The following ICA1 variants were observed in gnomAD, a reference collection of about 807,000 sequenced individuals.
ICA1 encodes 69 kDa islet cell autoantigen.
In ICA1, 40 loss-of-function variants were observed where a neutral mutation model predicts 71.0. That is an observed-to-expected ratio of 0.56 (90% CI 0.44 to 0.73). The LOEUF (loss-of-function observed/expected upper bound fraction) is 0.73, where lower values mean the gene tolerates loss of function less well. ICA1 is among the 30% of genes least tolerant of loss of function. ICA1 has a pLI of 0.00. For synonymous variants in ICA1, 207 were observed against 209.5 expected (o/e 0.99, Z 0.10); for missense variants, 578 against 576.5 (o/e 1.00, Z -0.03).
At chr7:8,203,948 G>A (rs978988612) in intron 6 of ICA1, among the ~76,000 whole-genome samples, 4 of 151,956 alleles carry the variant, frequency 2.6e-5, no homozygotes, top group Non-Finnish European at 4.4e-5. Context: ...AGGAATTCAG[G>A]CTCTAGACCT....
intron 6 of ICA1, among the ~76,000 whole-genome samples, chr7:8,163,494 A>G (rs1457702954): frequency 6.6e-6 from 1 of 152,198 alleles, no homozygotes; most frequent in Non-Finnish European, 1.5e-5. Context: ...AGTCGGCACA[A>G]ATGGAATCGA....
chr7:8,167,568 A>AC (rs1806520229), intron 6 of ICA1, among the ~76,000 whole-genome samples: 1 of 151,584 alleles, frequency 6.6e-6, no homozygotes. Flanking sequence ...TGTACACCAA[A>AC]CCCCCCGGCA....
intron 4 of ICA1, among the ~76,000 whole-genome samples, chr7:8,224,437 G>A (rs1798017444): frequency 6.6e-6 from 1 of 151,944 alleles, no homozygotes; most frequent in Middle Eastern, 3.4e-3. Flanking sequence ...AAGTAGGGGA[G>A]CAATGTGATC....
At chr7:8,220,734 T>C (rs570316699) in intron 5 of ICA1, among the ~76,000 whole-genome samples, 1 of 152,098 alleles carries the variant, frequency 6.6e-6, no homozygotes, top group South Asian at 2.1e-4. Flanking sequence ...ACAACAGCGG[T>C]CTAGTTAAAA....
At chr7:8,261,823 C>T (rs1316575685) in intron 1 of ICA1, among the ~76,000 whole-genome samples, 3 of 152,170 alleles carry the variant, frequency 2.0e-5, no homozygotes, top group South Asian at 2.1e-4. Context: ...GCTTCCCTAC[C>T]GCTCCCCCGG....
At chr7:8,114,782 A>G (rs753146675) in intron 13 of ICA1, 16 of 152,278 alleles carry the variant, frequency 1.1e-4, no homozygotes, top group Non-Finnish European at 2.4e-4. Context: ...TGATTTCTAA[A>G]TAAGATGAAG....
chr7:8,141,877 C>G, intron 9 of ICA1, 60 bp from the exon 10 acceptor site: 1 of 1,374,758 alleles, frequency 7.3e-7, no homozygotes, highest in Admixed American at 1.9e-5. Flanking sequence ...TATGATACAG[C>G]CAGACTTTCA....
chr7:8,201,006 T>A (rs1380714242), intron 6 of ICA1, among the ~76,000 whole-genome samples: 1 of 152,224 alleles, frequency 6.6e-6, no homozygotes, highest in Non-Finnish European at 1.5e-5. Flanking sequence ...ACTTTAGTGG[T>A]CAATGAGTAT....
intron 6 of ICA1, among the ~76,000 whole-genome samples, chr7:8,208,186 C>T (rs974267235): frequency 3.9e-5 from 6 of 152,080 alleles, no homozygotes; most frequent in Admixed American, 1.3e-4. Context: ...TCTAGTTTTA[C>T]GTAAAAGTGG....
intron 6 of ICA1, among the ~76,000 whole-genome samples, chr7:8,190,999 A>C (rs893110839): frequency 6.6e-6 from 1 of 152,250 alleles, no homozygotes; most frequent in Non-Finnish European, 1.5e-5. Flanking sequence ...GATAATGAAC[A>C]AATGGTCATC....
rs964719579 is a variant in ICA1 at position 8,119,991 on chromosome 7, T to G, written c.1331-5947A>C. Among the ~76,000 whole-genome samples, 9 of 152,378 alleles carry G rather than the reference T, an allele frequency of 5.9e-5. No homozygotes were observed. The South Asian group carries it at 1.9e-3, about 32-fold the overall frequency. ...TTTGTAAGTATGGATTTTTAAATAT[T>G]GTTCACCTAAAACACTCATGAACCA... is the stretch of plus-strand genomic sequence containing the variant. On this transcript the variant is annotated intron_variant, in intron 13 of 13. Coordinates refer to ENST00000402384, the MANE Select transcript of ICA1 (RefSeq NM_001136020.3).
rs574765062 is a variant in ICA1 at position 8,207,005 on chromosome 7, G to T, written c.579+11300C>A. ...GTCCCACTTCTAGTGGTCCAGGACA[G>T]AAATTTATTCAAAAGAACAAAGCAG... On this transcript the variant is annotated intron_variant, in intron 6 of 13. Transcript: ENST00000402384. 1.6e-4 allele frequency among the ~76,000 whole-genome samples: 24 copies of T among 152,268 alleles called. No homozygotes were observed. The East Asian group carries it at 2.9e-3, about 18-fold the overall frequency.
Position 8,231,780 on chromosome 7 carries a change from T to C in ICA1, c.183+810A>G, listed in dbSNP as rs746723699. Among the ~76,000 whole-genome samples, 4 of 152,334 alleles carry C rather than the reference T, an allele frequency of 2.6e-5. No individual in the cohort carries two copies. In the South Asian group the frequency reaches 8.3e-4, roughly 32 times the overall value. On this transcript the variant is annotated intron_variant, in intron 3 of 13. Transcript: ENST00000402384. ...CTCATCCCTTTTCACATGACAGTAA[T>C]TGACAACTAACATTTCCCCTTAACC...
chr7:8,236,480 G>C (rs1218699279), intron 1 of ICA1, among the ~76,000 whole-genome samples: 1 of 152,108 alleles, frequency 6.6e-6, no homozygotes, highest in Non-Finnish European at 1.5e-5. Context: ...GCTAGGTGGT[G>C]AATATATTGC....
chr7:8,188,577 G>A (rs1784587391), intron 6 of ICA1, among the ~76,000 whole-genome samples: 1 of 152,174 alleles, frequency 6.6e-6, no homozygotes, highest in Non-Finnish European at 1.5e-5. Flanking sequence ...GAGTAAGGGT[G>A]GAAGCCTAGA....
At chr7:8,145,754 A>G (rs1422881670) in intron 8 of ICA1, among the ~76,000 whole-genome samples, 2 of 71,890 alleles carry the variant, frequency 2.8e-5, no homozygotes, top group African/African-American at 7.9e-5. Flanking sequence ...TTGTGTATAT[A>G]TATATATATA....
intron 1 of ICA1, among the ~76,000 whole-genome samples, chr7:8,258,552 C>T (rs935369847): frequency 2.0e-5 from 3 of 152,146 alleles, no homozygotes; most frequent in Admixed American, 6.5e-5. Context: ...CCTCGCAATA[C>T]GGCCAAGTTG....
Sources: gnomAD v4.1 joint callset for allele counts (sites outside exome capture counted in the v4.1 genomes callset) on GRCh38, gnomAD v4.1.1 for gene constraint, MANE v1.5 for transcripts, NCBI Gene and HGNC (gene_info 2026-07-23, HGNC 2026-07-21) for gene names.